The following LATS2 variants were observed in gnomAD, a reference collection of about 807,000 sequenced individuals.
LATS2 encodes large tumor suppressor kinase 2.
LATS2 carries 24 observed loss-of-function variants against 76.0 expected under a neutral mutation model. That is an observed-to-expected ratio of 0.32 (90% confidence interval 0.23 to 0.44). LATS2 has a LOEUF of 0.44. Ranked by LOEUF, LATS2 falls within the 20% of genes least tolerant of loss-of-function variation. The pLI is 1.00. For missense variants in LATS2, 1,286 were observed against 1,481.2 expected (o/e 0.87, Z 2.16); for synonymous variants, 692 against 635.4 (o/e 1.09, Z -1.34).
intron 4 of LATS2, among the ~76,000 whole-genome samples, chr13:20,984,243 T>C (rs1870043082): frequency 2.0e-5 from 3 of 152,220 alleles, no homozygotes; most frequent in East Asian, 1.9e-4. Context: ...CAGTTTTGTT[T>C]TTTTATATCC....
Position 20,988,570 on chromosome 13 carries a change from T to G in LATS2, c.1210A>C (p.Ser404Arg). 1.3e-6 allele frequency: 2 copies of G among 1,586,698 alleles called. No homozygotes were observed. The highest frequency in any genetic ancestry group is 1.7e-6 in the Non-Finnish European group (2 of 1,174,702). Residue 404 changes from serine to arginine, a missense_variant, in exon 4 of 8, where the codon AGC (serine) becomes CGC (arginine). This residue lies in a region of LATS2 where 710 missense variants were observed against 660.9 expected (regional missense o/e 1.07). Transcript: ENST00000382592. Reference sequence around the variant, plus strand: ...TGGCTGTTGAAGGAGTTGGTCCTGCTGGGCACTGGGCAGTCAGGCCGGAAG... The same window carrying G: ...TGGCTGTTGAAGGAGTTGGTCCTGCGGGGCACTGGGCAGTCAGGCCGGAAG... ...VAFRPDCPVP[S>R]RTNSFNSHQP...
intron 2 of LATS2, among the ~76,000 whole-genome samples, chr13:21,039,419 A>G (rs1429086373): frequency 1.3e-5 from 2 of 152,238 alleles, no homozygotes; most frequent in African/African-American, 4.8e-5. Flanking sequence ...GGATCTTGTC[A>G]CCAAGACAAA....
At chr13:20,985,752 T>A (rs1870111198) in intron 4 of LATS2, among the ~76,000 whole-genome samples, 1 of 127,256 alleles carries the variant, frequency 7.9e-6, no homozygotes, top group Non-Finnish European at 1.7e-5. Flanking sequence ...AAAAAATAAA[T>A]AAATAAAATA....
rs1344567887 is a variant in LATS2, at chr13:20,988,910, G to T, written c.870C>A (p.Pro290=). The part of the protein sequence containing the change: ...PPETGGYASL[P]TKGQGGPPGA... ...CTGGCGGTCCTCCCTGGCCCTTCGT[G>T]GGCAGGCTGGCGTAACCCCCGGTCT... Residue 290 remains proline, a synonymous_variant, in exon 4 of 8, where the codon CCC becomes CCA. Coordinates refer to ENST00000382592, the MANE Select transcript of LATS2 (RefSeq NM_014572.3). 6.5e-7 allele frequency: 1 copy of T among 1,527,784 alleles called. No individual in the cohort carries two copies. Among genetic ancestry groups the T allele is most frequent in the South Asian group, 1.2e-5 (1 of 82,132 alleles). The allele number at this position is 1,527,784 out of a possible 1,614,324, so 94.6% of individuals were successfully genotyped here. A position where few individuals can be genotyped will look rare whatever the true frequency, so the allele number is the denominator to read the frequency against.
At chr13:20,986,095 A>G (rs1870129739) in intron 4 of LATS2, among the ~76,000 whole-genome samples, 1 of 152,236 alleles carries the variant, frequency 6.6e-6, no homozygotes. Context: ...TGTCAAAAGA[A>G]GATACACAAA....
intron 1 of LATS2, among the ~76,000 whole-genome samples, chr13:21,047,300 G>C (rs1873107913): frequency 6.6e-6 from 1 of 152,152 alleles, no homozygotes; most frequent in Non-Finnish European, 1.5e-5. Context: ...CGGATGCTTA[G>C]GACAGTGGTG....
In LATS2 at chr13:20,989,276, C is replaced by T. The variant is rs138289786; in HGVS notation, c.504G>A (p.Thr168=). ...PGKGLMPTPV[T]RRPSFEGTGD... ...CGGTTCCTTCGAAGCTGGGCCTCCG[C>T]GTCACTGGGGTTGGCATGAGCCCCT... Residue 168 remains threonine, a synonymous_variant, in exon 4 of 8, where the codon ACG becomes ACA. Transcript: ENST00000382592. 11 of 1,613,832 alleles carry T rather than the reference C, an allele frequency of 6.8e-6. No individual in the cohort carries two copies. Among genetic ancestry groups the T allele is most frequent in the Middle Eastern group, 1.6e-4 (1 of 6,084 alleles).
At chr13:21,042,378 A>G (rs1417144426) in intron 2 of LATS2, among the ~76,000 whole-genome samples, 1 of 152,202 alleles carries the variant, frequency 6.6e-6, no homozygotes, top group East Asian at 1.9e-4. Context: ...GAAATTGTGC[A>G]CTTTTAAAGT....
intron 2 of LATS2, among the ~76,000 whole-genome samples, chr13:21,012,114 T>C (rs1234835112): frequency 6.6e-6 from 1 of 152,228 alleles, no homozygotes; most frequent in East Asian, 1.9e-4. Context: ...CCTGAGATTG[T>C]AGTGAATACT....
intron 2 of LATS2, among the ~76,000 whole-genome samples, chr13:21,043,241 G>A (rs1399943964): frequency 6.6e-6 from 1 of 151,608 alleles, no homozygotes; most frequent in African/African-American, 2.4e-5. Flanking sequence ...GGGAAGCTGA[G>A]GCAGGAGAAT....
Position 20,988,164 on chromosome 13 carries a change from C to T in LATS2, c.1616G>A (p.Gly539Asp). 1 of 1,613,988 alleles carries T rather than the reference C, an allele frequency of 6.2e-7. No homozygotes were observed. Among genetic ancestry groups the T allele is most frequent in the Non-Finnish European group, 8.5e-7 (1 of 1,179,976 alleles). Residue 539 changes from glycine (G) to aspartate (D), a missense_variant, in exon 4 of 8, where the codon GGC becomes GAC. Coordinates refer to ENST00000382592, the MANE Select transcript of LATS2 (RefSeq NM_014572.3). ...EQYDLDSLCA[G>D]MEQSLRAGPN... ...GCCCGCACGGAGGCTCTGCTCCATG[C>T]CTGCGCACAGGCTGTCCAGGTCGTA...
chr13:21,048,434 C>A (rs1873145738), intron 1 of LATS2, among the ~76,000 whole-genome samples: 1 of 152,210 alleles, frequency 6.6e-6, no homozygotes, highest in Admixed American at 6.5e-5. Flanking sequence ...CAAGGGAGGG[C>A]CTGACAATAC....
intron 2 of LATS2, among the ~76,000 whole-genome samples, chr13:21,015,924 C>G (rs1871779534): frequency 1.3e-5 from 2 of 151,438 alleles, no homozygotes; most frequent in African/African-American, 4.9e-5. Context: ...GTCTTGAACT[C>G]CTGACCTCAG....
chr13:21,009,292 C>A (rs1277855920), intron 2 of LATS2, among the ~76,000 whole-genome samples: 1 of 152,208 alleles, frequency 6.6e-6, no homozygotes, highest in African/African-American at 2.4e-5. Flanking sequence ...GCACATTCAA[C>A]CCGGAGCCTT....
chr13:21,043,204 G>A (rs1485068871), intron 2 of LATS2, among the ~76,000 whole-genome samples: 1 of 151,914 alleles, frequency 6.6e-6, no homozygotes, highest in African/African-American at 2.4e-5. Context: ...CAGGCGTGGT[G>A]TTGCGTGCCT....
chr13:20,981,476 G>C lies in LATS2; in HGVS notation c.2655C>G (p.Leu885=). 1.2e-6 allele frequency: 2 copies of C among 1,613,448 alleles called. No homozygotes were observed. Among genetic ancestry groups the C allele is most frequent in the Non-Finnish European group, 1.7e-6 (2 of 1,179,654 alleles). The change falls in exon 6 of 8, where the codon CTC becomes CTG. Residue 885 remains leucine, a synonymous_variant. Transcript: ENST00000382592. ...GTPNYIAPEV[L]LRKGYTQLCD... is the part of the protein sequence containing the mutation. ...CCATGGCGCATGTACCTTTGCGGAG[G>C]AGCACCTCGGGTGCGATGTAGTTTG...
chr13:20,999,420 T>C (rs1766061123), intron 2 of LATS2, among the ~76,000 whole-genome samples: 1 of 152,256 alleles, frequency 6.6e-6, no homozygotes, highest in African/African-American at 2.4e-5. Flanking sequence ...AGGGCCATGC[T>C]AATCTCTGTA....
chr13:20,988,352 G>GGCGGGA lies in LATS2; in HGVS notation c.1427_1428insTCCCGC (p.Pro479_Ala480dup). 3 of 1,368,352 alleles carry GGCGGGA rather than the reference G, an allele frequency of 2.2e-6. No homozygotes were observed. Among genetic ancestry groups the GGCGGGA allele is most frequent in the Non-Finnish European group, 2.8e-6 (3 of 1,069,294 alleles). 84.8% of individuals were successfully genotyped at this position (1,368,352 alleles called of 1,614,324 possible). On this transcript the variant is annotated inframe_insertion, in exon 4 of 8. Coordinates refer to ENST00000382592, the MANE Select transcript of LATS2 (RefSeq NM_014572.3). ...CCAAGCCCTCCGCAGCCGGGGCGGG[G>GGCGGGA]GCGGGGGCGGGGGCCGGGGCAGGCG...
At position 20,973,427 on chromosome 13, in the gene LATS2, C is replaced by T. The variant is rs1869427283; in HGVS notation, c.*1443G>A. 4.3e-6 allele frequency: 1 copy of T among 230,908 alleles called. No individual in the cohort carries two copies. The highest frequency in any genetic ancestry group is 5.7e-5 in the Admixed American group (1 of 17,652). The allele number at this position is 230,908 out of a possible 1,614,324, so 14.3% of individuals were successfully genotyped here. Reference sequence around the variant, plus strand: ...ATGAAGCATCAGATTTTTTAAAAAGCAAAAAAGAATTGAACTTTTTACTCA... The same window carrying T: ...ATGAAGCATCAGATTTTTTAAAAAGTAAAAAAGAATTGAACTTTTTACTCA... On this transcript the variant is annotated 3_prime_UTR_variant, in exon 8 of 8. Coordinates refer to ENST00000382592, the MANE Select transcript of LATS2 (RefSeq NM_014572.3).
Sources: gnomAD v4.1 joint callset for allele counts (sites outside exome capture counted in the v4.1 genomes callset) on GRCh38, gnomAD v4.1.1 for gene constraint, gnomAD v4.1.1 regional missense constraint, MANE v1.5 for transcripts, NCBI Gene and HGNC (gene_info 2026-07-23, HGNC 2026-07-21) for gene names.